The following ZNF730 variants were observed in gnomAD, a reference collection of about 807,000 sequenced individuals.
ZNF730 encodes the protein putative zinc finger protein 730.
ZNF730 carries 12 observed loss-of-function variants against 12.6 expected under a neutral mutation model. That is an observed-to-expected ratio of 0.95 (90% CI 0.61 to 1.54). The LOEUF (loss-of-function observed/expected upper bound fraction) is 1.54, where lower values mean the gene tolerates loss of function less well. Ranked by LOEUF, ZNF730 falls within the 40% of genes most tolerant of loss-of-function variation. The pLI is 0.00. For synonymous variants in ZNF730, 194 were observed against 195.8 expected (o/e 0.99, Z 0.08); for missense variants, 643 against 583.5 (o/e 1.10, Z -1.05).
chr19:23,142,605 G>T (rs1013480476), intron 3 of ZNF730, among the ~76,000 whole-genome samples: 1 of 150,204 alleles, frequency 6.7e-6, no homozygotes, highest in African/African-American at 2.5e-5. Context: ...GGAGAATGGC[G>T]TGAACCTGGG....
At chr19:23,111,181 A>G (rs776997226) in intron 1 of ZNF730, among the ~76,000 whole-genome samples, 40 of 152,174 alleles carry the variant, frequency 2.6e-4, no homozygotes, top group Non-Finnish European at 5.4e-4. Flanking sequence ...AAATTACTAA[A>G]ATAGGTTAAG....
chr19:23,125,298 G>T (rs1299905646), intron 1 of ZNF730, among the ~76,000 whole-genome samples: 2 of 152,164 alleles, frequency 1.3e-5, no homozygotes, highest in Non-Finnish European at 2.9e-5. Context: ...AAATGTGCAT[G>T]TGACTTTGGA....
In ZNF730 at chr19:23,145,549, T is replaced by A; in HGVS notation, c.505T>A (p.Ser169Thr). 6.4e-7 allele frequency: 1 copy of A among 1,553,204 alleles called. No individual in the cohort carries two copies. Among genetic ancestry groups the A allele is most frequent in the Non-Finnish European group, 8.7e-7 (1 of 1,149,694 alleles). ...NSNRHKIRHT[S>T]KKPFKCKECG... ...AAACAGACATAAGATAAGACATACT[T>A]CGAAGAAACCTTTCAAATGTAAAGA... Residue 169 changes from serine to threonine, a missense_variant, in exon 4 of 4, where the codon TCG (serine) becomes ACG (threonine). Transcript: ENST00000597761.
intron 2 of ZNF730, among the ~76,000 whole-genome samples, chr19:23,135,533 CAG>C (rs1454615463): frequency 1.3e-5 from 2 of 151,502 alleles, no homozygotes; most frequent in African/African-American, 4.8e-5. Context: ...TTTTTGGAGA[CAG>C]AGTCTCATTC....
chr19:23,084,062 T>G (rs937336652), intron 1 of ZNF730, among the ~76,000 whole-genome samples: 7 of 152,186 alleles, frequency 4.6e-5, no homozygotes. Flanking sequence ...GGTATTACAT[T>G]TGAGTCTTTA....
intron 1 of ZNF730, among the ~76,000 whole-genome samples, chr19:23,076,705 T>G (rs371112894): frequency 2.0e-5 from 3 of 152,300 alleles, no homozygotes; most frequent in African/African-American, 7.2e-5. Flanking sequence ...ACATTAAGAT[T>G]TTTTTGGTCA....
rs766463750 is a variant in ZNF730, at chr19:23,146,265, T to C, written c.1221T>C (p.Arg407=). The change falls in exon 4 of 4, where the codon CGT becomes CGC. Residue 407 remains arginine (R), a synonymous_variant. Coordinates refer to ENST00000597761, the MANE Select transcript of ZNF730 (RefSeq NM_001277403.2). The part of the protein sequence containing the change: ...KCEECGKAFS[R]ISHLTTHKRI... ...AAGAATGTGGCAAAGCCTTTAGCCG[T>C]ATCTCACACCTTACTACACATAAGA... 4 of 1,610,830 alleles carry C rather than the reference T, an allele frequency of 2.5e-6. No individual in the cohort carries two copies. The highest frequency in any genetic ancestry group is 1.4e-5 in the African/African-American group (1 of 74,034).
intron 1 of ZNF730, among the ~76,000 whole-genome samples, chr19:23,097,197 A>T (rs1040813896): frequency 3.9e-5 from 6 of 151,996 alleles, no homozygotes; most frequent in African/African-American, 1.4e-4. Context: ...CAACAGTAAC[A>T]ATGATGTTAC....
At chr19:23,122,541 A>C (rs1970612400) in intron 1 of ZNF730, among the ~76,000 whole-genome samples, 1 of 152,204 alleles carries the variant, frequency 6.6e-6, no homozygotes, top group Non-Finnish European at 1.5e-5. Flanking sequence ...TACTGAGTAA[A>C]CTTTTTTGAC....
intron 2 of ZNF730, 86 bp downstream of exon 2, chr19:23,134,292 GTTT>G: frequency 8.2e-7 from 1 of 1,215,196 alleles, no homozygotes; most frequent in South Asian, 1.7e-5. Flanking sequence ...CAGATCCCGG[GTTT>G]TTTTCTTTTT....
rs1374260928 is a variant in ZNF730, at chr19:23,146,754, C to CA, written c.*200dup. 4 of 1,135,612 alleles carry CA rather than the reference C, an allele frequency of 3.5e-6. No individual in the cohort carries two copies. The highest frequency in any genetic ancestry group is 5.4e-6 in the Non-Finnish European group (4 of 746,376). 70.3% of individuals were successfully genotyped at this position (1,135,612 alleles called of 1,614,324 possible). On this transcript the variant is annotated 3_prime_UTR_variant, in exon 4 of 4. Transcript: ENST00000597761. ...TGAAGAATGTGGCAAAGTCTTCAACCAATCTTCACACCTTACTACACATAA... is the reference window on the plus strand; with the variant it reads ...TGAAGAATGTGGCAAAGTCTTCAACCAAATCTTCACACCTTACTACACATAA...
In ZNF730 at chr19:23,145,576, T is replaced by C. The variant is rs1397198397; in HGVS notation, c.532T>C (p.Cys178Arg). 6.5e-7 allele frequency: 1 copy of C among 1,544,078 alleles called. No individual in the cohort carries two copies. The highest frequency in any genetic ancestry group is 2.4e-5 in the East Asian group (1 of 41,460). The change falls in exon 4 of 4, where the codon TGT (cysteine) becomes CGT (arginine). Residue 178 changes from cysteine (C) to arginine (R), a missense_variant. Coordinates refer to ENST00000597761, the MANE Select transcript of ZNF730 (RefSeq NM_001277403.2). Reference sequence around the variant, plus strand: ...GAAGAAACCTTTCAAATGTAAAGAATGTGGAAAATTATTTTGCATTCTTTC... The same window carrying C: ...GAAGAAACCTTTCAAATGTAAAGAACGTGGAAAATTATTTTGCATTCTTTC... Reference protein sequence around the residue: ...TSKKPFKCKECGKLFCILSHL... With the variant: ...TSKKPFKCKERGKLFCILSHL...
intron 1 of ZNF730, among the ~76,000 whole-genome samples, chr19:23,080,463 C>G (rs1323685263): frequency 6.6e-6 from 1 of 151,710 alleles, no homozygotes; most frequent in Non-Finnish European, 1.5e-5. Context: ...GCAACCTTTG[C>G]CTCCCGACTT....
At chr19:23,142,775 ACT>A (rs1970942179) in intron 3 of ZNF730, among the ~76,000 whole-genome samples, 1 of 150,514 alleles carries the variant, frequency 6.6e-6, no homozygotes, top group South Asian at 2.1e-4. Context: ...AGAAAGACTT[ACT>A]GTTATTTTAT....
At chr19:23,110,282 ATT>A (rs372050993) in intron 1 of ZNF730, among the ~76,000 whole-genome samples, 1 of 115,084 alleles carries the variant, frequency 8.7e-6, no homozygotes, top group African/African-American at 3.3e-5. Flanking sequence ...CTTTATAACC[ATT>A]TTTTTTTTTA....
At chr19:23,089,293 G>T (rs559844206) in intron 1 of ZNF730, among the ~76,000 whole-genome samples, 1 of 147,328 alleles carries the variant, frequency 6.8e-6, no homozygotes, top group Non-Finnish European at 1.5e-5. Context: ...GGCAACCTTT[G>T]TCTCCTAGGT....
At chr19:23,140,069 G>T (rs1161898872) in intron 3 of ZNF730, among the ~76,000 whole-genome samples, 2 of 151,872 alleles carry the variant, frequency 1.3e-5, no homozygotes, top group Non-Finnish European at 2.9e-5. Flanking sequence ...CAGATTATGT[G>T]TGTGTGTGTG....
Position 23,135,813 on chromosome 19 carries a change from T to G in ZNF730, c.131-135T>G. 3.6e-6 allele frequency: 3 copies of G among 830,004 alleles called. No individual in the cohort carries two copies. The South Asian group carries it at 6.2e-5, about 17-fold the overall frequency. The allele number at this position is 830,004 out of a possible 1,614,324, so 51.4% of individuals were successfully genotyped here. ...GGCATGAGCCACCGTGCCTGGTCTA[T>G]TTAGAAAATTTTTATAAATTATTAT... On this transcript the variant is annotated intron_variant, in intron 2 of 3. Coordinates refer to ENST00000597761, the MANE Select transcript of ZNF730 (RefSeq NM_001277403.2).
intron 1 of ZNF730, among the ~76,000 whole-genome samples, chr19:23,131,806 A>G (rs1029243224): frequency 3.9e-5 from 6 of 152,222 alleles, no homozygotes; most frequent in Non-Finnish European, 7.3e-5. Context: ...AGTGATTTAT[A>G]AGCTGTTAAA....
Sources: gnomAD v4.1 joint callset for allele counts (sites outside exome capture counted in the v4.1 genomes callset) on GRCh38, gnomAD v4.1.1 for gene constraint, MANE v1.5 for transcripts, NCBI Gene and HGNC (gene_info 2026-07-23, HGNC 2026-07-21) for gene names.